CREBBP: variants seen among roughly 807,000 people sequenced by gnomAD.
The protein encoded by CREBBP is CREB binding lysine acetyltransferase.
Under a neutral mutation model 265.0 loss-of-function variants are expected in CREBBP, and 19 were observed. The ratio of observed to expected loss-of-function variants is 0.07; its 90% CI spans 0.05 to 0.11. The LOEUF is 0.11. CREBBP is among the 10% of genes least tolerant of loss of function. The pLI is 1.00. For synonymous variants in CREBBP, 1,457 were observed against 1,223.7 expected (o/e 1.19, Z -3.98); for missense variants, 2,525 against 3,219.0 (o/e 0.78, Z 5.22).
chr16:3,828,036 G>A (rs1019208416), intron 2 of CREBBP, among the ~76,000 whole-genome samples: 4 of 152,018 alleles, frequency 2.6e-5, no homozygotes, highest in African/African-American at 9.7e-5. Context: ...AATTATGCTG[G>A]CCTCTTGCAC....
In CREBBP at chr16:3,791,984, G is replaced by C; in HGVS notation, c.1327C>G (p.Gln443Glu). The C allele has an allele frequency of 6.2e-7, 1 of 1,612,114 alleles. No homozygotes were observed. Among genetic ancestry groups the C allele is most frequent in the Non-Finnish European group, 8.5e-7 (1 of 1,178,158 alleles). The change falls in exon 5 of 31, where the codon CAA (glutamine) becomes GAA (glutamate). Residue 443 changes from glutamine to glutamate, a missense_variant. This residue lies in a region of CREBBP where 48 missense variants were observed against 70.2 expected (regional missense o/e 0.68). Coordinates refer to ENST00000262367, the MANE Select transcript of CREBBP (RefSeq NM_004380.3). ...CTCTGCCCCCGTGCTCACTTACTTT[G>C]TTGGTTTCGCTTGTCACTGGCATTT... Reference protein sequence around the residue: ...LKNASDKRNQQTILGSPASGI... With the variant: ...LKNASDKRNQETILGSPASGI...
At chr16:3,768,533 A>G (rs129966) in intron 15 of CREBBP, among the ~76,000 whole-genome samples, 23,065 of 152,106 alleles carry the variant, frequency 0.15, 4,455 homozygotes, top group African/African-American at 0.44. Context: ...TTTGGAATAA[A>G]AATCTCCTTG....
intron 28 of CREBBP, among the ~76,000 whole-genome samples, chr16:3,732,767 C>T (rs1330354891): frequency 6.6e-6 from 1 of 151,882 alleles, no homozygotes; most frequent in Non-Finnish European, 1.5e-5. Flanking sequence ...ATAACGCGAT[C>T]TCGGCTCACT....
At chr16:3,871,528 T>C (rs891427093) in intron 1 of CREBBP, among the ~76,000 whole-genome samples, 5 of 152,246 alleles carry the variant, frequency 3.3e-5, no homozygotes, top group African/African-American at 7.2e-5. Flanking sequence ...TAAATTTCTA[T>C]AGCTCCTGAA....
chr16:3,814,215 C>CTGTGTGTGTGTGTG (rs6145729), intron 2 of CREBBP, among the ~76,000 whole-genome samples: 1 of 104,000 alleles, frequency 9.6e-6, no homozygotes, highest in Non-Finnish European at 2.0e-5. Flanking sequence ...GAGTCTCGTT[C>CTGTGTGTGTGTGTG]TGTGTGTGTG....
intron 10 of CREBBP, 117 bp from the exon 11 acceptor site, chr16:3,777,774 T>C (rs1440181497): frequency 1.0e-5 from 13 of 1,273,450 alleles, no homozygotes; most frequent in African/African-American, 1.5e-5. Flanking sequence ...AAACAGCCAA[T>C]AGGTCCAAAA....
rs759722245 is a variant in CREBBP at position 3,728,222 on chromosome 16, CCCCATCTGGCCAAGCTGT to C, written c.6807_6824del (p.Leu2271_Gln2276del). 3.7e-6 allele frequency: 6 copies of C among 1,613,508 alleles called. No individual in the cohort carries two copies. In the South Asian group the frequency reaches 5.5e-5, roughly 15 times the overall value. On this transcript the variant is annotated inframe_deletion, in exon 31 of 31. Coordinates refer to ENST00000262367, the MANE Select transcript of CREBBP (RefSeq NM_004380.3). This position sits in a 1 kb window ranked among gnomAD's most constrained non-coding sequence, Gnocchi z 8.7. ...TGCTGTCTGCCCCCAGCCCCGGCTG[CCCCATCTGGCCAAGCTGT>C]CCCATCTGAGCCGCCATCTGGCCCA...
intron 1 of CREBBP, among the ~76,000 whole-genome samples, chr16:3,856,104 T>C (rs1364976288): frequency 1.3e-5 from 2 of 152,198 alleles, no homozygotes; most frequent in Non-Finnish European, 2.9e-5. Context: ...AAAGAAAATA[T>C]GTACCCCCCC....
chr16:3,752,457 T>G (rs1407087430), intron 19 of CREBBP, among the ~76,000 whole-genome samples: 1 of 123,142 alleles, frequency 8.1e-6, no homozygotes, highest in African/African-American at 4.3e-5. Context: ...TTTTTCCTGT[T>G]TTTTTTTTTT....
chr16:3,815,411 G>A (rs1047137552), intron 2 of CREBBP, among the ~76,000 whole-genome samples: 8 of 151,410 alleles, frequency 5.3e-5, no homozygotes, highest in Non-Finnish European at 8.8e-5. Context: ...ATGGTGGTGC[G>A]TGCGTATAAT....
rs764200811 is a variant in CREBBP, at chr16:3,850,777, C to A, written c.318G>T (p.Gln106His). The A allele has an allele frequency of 1.5e-5, 24 of 1,613,996 alleles. No individual in the cohort carries two copies. The highest frequency in any genetic ancestry group is 1.9e-5 in the Non-Finnish European group (23 of 1,180,050). ...QQGLGGQAQGQPNSANMASLS... is the reference protein window; with the variant it reads ...QQGLGGQAQGHPNSANMASLS... The stretch of plus-strand genomic sequence containing the variant: ...GGCTGGCCATGTTAGCACTGTTCGG[C>A]TGCCCTTGAGCCTGGCCACCCAGGC... Residue 106 changes from glutamine to histidine, a missense_variant, in exon 2 of 31, where the codon CAG becomes CAT. Transcript: ENST00000262367.
At chr16:3,811,658 AT>A (rs1326688460) in intron 2 of CREBBP, among the ~76,000 whole-genome samples, 1 of 151,698 alleles carries the variant, frequency 6.6e-6, no homozygotes, top group Non-Finnish European at 1.5e-5. Context: ...GGTCCGGCTA[AT>A]TTTTTTGTAT....
At position 3,727,843 on chromosome 16, in the gene CREBBP, T is replaced by G. The variant is rs2151298608; in HGVS notation, c.7204A>C (p.Asn2402His). ...GGGAGCATTGCACTCTGTTCGGGGT[T>G]CCCCAAGTGTCCCTGATCTATGGAG... The part of the protein sequence containing the change: ...ASSIDQGHLG[N>H]PEQSAMLPQL... Residue 2402 changes from asparagine (N) to histidine (H), a missense_variant, in exon 31 of 31, where the codon AAC becomes CAC. Coordinates refer to ENST00000262367, the MANE Select transcript of CREBBP (RefSeq NM_004380.3). 2 of 1,613,970 alleles carry G rather than the reference T, an allele frequency of 1.2e-6. No homozygotes were observed. Among genetic ancestry groups the G allele is most frequent in the Non-Finnish European group, 1.7e-6 (2 of 1,180,030 alleles).
At chr16:3,837,752 TAA>T (rs764635490) in intron 2 of CREBBP, among the ~76,000 whole-genome samples, 48 of 152,134 alleles carry the variant, frequency 3.2e-4, no homozygotes, top group Middle Eastern at 3.4e-3. Flanking sequence ...TACAAAAGAA[TAA>T]AAAAGTTTTT....
At chr16:3,735,002 A>G (rs2052015669) in intron 28 of CREBBP, among the ~76,000 whole-genome samples, 1 of 152,066 alleles carries the variant, frequency 6.6e-6, no homozygotes, top group Non-Finnish European at 1.5e-5. Context: ...CTGGGGCTGC[A>G]GCCTTCAACG....
At chr16:3,864,152 A>G (rs1312420484) in intron 1 of CREBBP, among the ~76,000 whole-genome samples, 6 of 152,218 alleles carry the variant, frequency 3.9e-5, no homozygotes, top group Non-Finnish European at 8.8e-5. Flanking sequence ...AGAACAAGCA[A>G]ACAGACATCC....
In CREBBP at chr16:3,802,304, G is replaced by C. The variant is rs2053733449; in HGVS notation, c.975+8299C>G. ...GTGCCACCACACCTGACTAATTTTT[G>C]TATTTTTAGTAGAGACGGGGCTTTA... On this transcript the variant is annotated intron_variant, in intron 3 of 30. Coordinates refer to ENST00000262367, the MANE Select transcript of CREBBP (RefSeq NM_004380.3). 4.0e-5 allele frequency among the ~76,000 whole-genome samples: 6 copies of C among 151,368 alleles called. No individual in the cohort carries two copies. The South Asian group carries it at 1.3e-3, about 32-fold the overall frequency.
chr16:3,874,420 T>C (rs1383933767), intron 1 of CREBBP, among the ~76,000 whole-genome samples: 1 of 152,218 alleles, frequency 6.6e-6, no homozygotes, highest in Non-Finnish European at 1.5e-5. Flanking sequence ...AGTCCCACGT[T>C]ATATCAGTCA....
rs143508466 is a variant in CREBBP at position 3,818,884 on chromosome 16, G to A, written c.799-8105C>T. 1.0e-3 allele frequency among the ~76,000 whole-genome samples: 152 copies of A among 152,258 alleles called. 1 individual carries two copies. Among genetic ancestry groups the A allele is most frequent in the African/African-American group, 3.5e-3 (145 of 41,556 alleles). On this transcript the variant is annotated intron_variant, in intron 2 of 30. Coordinates refer to ENST00000262367, the MANE Select transcript of CREBBP (RefSeq NM_004380.3). ...CTACCACTTTATAGGTGAGGAAGGG[G>A]CCCCCCGGAAAGGGCAGGGACACAC...
Sources: gnomAD v4.1 joint callset for allele counts (sites outside exome capture counted in the v4.1 genomes callset) on GRCh38, gnomAD v4.1.1 for gene constraint, gnomAD v4.1.1 regional missense constraint, Gnocchi (gnomAD v3.1) non-coding constraint, MANE v1.5 for transcripts, NCBI Gene and HGNC (gene_info 2026-07-23, HGNC 2026-07-21) for gene names.